The following COMMD1 variants were observed in gnomAD, a reference collection of about 807,000 sequenced individuals.
The protein encoded by COMMD1 is copper metabolism domain containing 1, also known as COMM domain-containing protein 1.
Under a neutral mutation model 17.2 loss-of-function variants are expected in COMMD1, and 10 were observed. That is an observed-to-expected ratio of 0.58 (90% CI 0.36 to 0.99). COMMD1 has a LOEUF of 0.99. Among genes scored for constraint, COMMD1 ranks in the 50% least tolerant of loss-of-function variants. COMMD1 has a pLI of 0.01. For missense variants in COMMD1, 270 were observed against 231.8 expected (o/e 1.17, Z -1.07); for synonymous variants, 97 against 91.6 (o/e 1.06, Z -0.34).
At chr2:61,942,992 G>C (rs1233427941) in intron 1 of COMMD1, among the ~76,000 whole-genome samples, 1 of 152,148 alleles carries the variant, frequency 6.6e-6, no homozygotes, top group Non-Finnish European at 1.5e-5. Context: ...CTAGCCATGA[G>C]ATATTAACAG....
At chr2:61,986,564 CTT>C (rs70946773) in intron 1 of COMMD1, among the ~76,000 whole-genome samples, 6 of 94,554 alleles carry the variant, frequency 6.3e-5, no homozygotes, top group African/African-American at 4.0e-5. Flanking sequence ...AGGCATCATT[CTT>C]TTTTTTTTTT....
At chr2:62,021,042 C>A (rs1194550074) in intron 2 of COMMD1, among the ~76,000 whole-genome samples, 1 of 151,690 alleles carries the variant, frequency 6.6e-6, no homozygotes, top group Non-Finnish European at 1.5e-5. Flanking sequence ...TTAAAATAAT[C>A]TGTAAGTCAC....
intron 1 of COMMD1, among the ~76,000 whole-genome samples, chr2:61,979,414 T>C (rs1458601955): frequency 6.6e-6 from 1 of 152,002 alleles, no homozygotes; most frequent in Non-Finnish European, 1.5e-5. Flanking sequence ...GAGGCAGAGA[T>C]TGCAGTGAGC....
chr2:62,008,040 G>C (rs1474487939), intron 2 of COMMD1, among the ~76,000 whole-genome samples: 1 of 152,088 alleles, frequency 6.6e-6, no homozygotes, highest in Non-Finnish European at 1.5e-5. Flanking sequence ...AAATTAGCCA[G>C]ATGTGATACT....
chr2:61,993,880 T>C (rs999634444), intron 1 of COMMD1, among the ~76,000 whole-genome samples: 3 of 152,224 alleles, frequency 2.0e-5, no homozygotes, highest in Non-Finnish European at 4.4e-5. Flanking sequence ...TGATACAAAT[T>C]ACCTGAGTTG....
chr2:62,073,847 GCC>G (rs1171370256), intron 2 of COMMD1, among the ~76,000 whole-genome samples: 3 of 152,020 alleles, frequency 2.0e-5, no homozygotes, highest in Non-Finnish European at 4.4e-5. Flanking sequence ...CACAGGTGCC[GCC>G]ACCATGCTTG....
chr2:61,898,569 T>C (rs1414154421), intron 1 of COMMD1, among the ~76,000 whole-genome samples: 2 of 152,110 alleles, frequency 1.3e-5, no homozygotes, highest in Admixed American at 6.6e-5. Flanking sequence ...AGAGGGCAGG[T>C]AGAGCTCATT....
chr2:62,026,528 A>C (rs938704463), intron 2 of COMMD1, among the ~76,000 whole-genome samples: 1 of 152,226 alleles, frequency 6.6e-6, no homozygotes, highest in African/African-American at 2.4e-5. Flanking sequence ...ATTACATGTT[A>C]ACATGAGATT....
At chr2:61,901,220 T>TCCA (rs1669649399), upstream of COMMD1, among the ~76,000 whole-genome samples, 1 of 151,926 alleles carries the variant, frequency 6.6e-6, no homozygotes, top group Admixed American at 6.6e-5. Flanking sequence ...ATGCTGGAAT[T>TCCA]ACAGGTGTGA....
At chr2:62,017,533 G>C (rs1252945409) in intron 2 of COMMD1, among the ~76,000 whole-genome samples, 1 of 152,002 alleles carries the variant, frequency 6.6e-6, no homozygotes, top group African/African-American at 2.4e-5. Context: ...AGCAGGGCAT[G>C]GTGGTGCACA....
At chr2:62,093,059 A>G (rs1006162699) in intron 2 of COMMD1, among the ~76,000 whole-genome samples, 4 of 152,226 alleles carry the variant, frequency 2.6e-5, no homozygotes, top group African/African-American at 9.6e-5. Flanking sequence ...AATGAGTCCC[A>G]TGGTCACTGT....
chr2:61,928,477 A>G (rs977074762), intron 1 of COMMD1, among the ~76,000 whole-genome samples: 53 of 152,118 alleles, frequency 3.5e-4, no homozygotes, highest in Non-Finnish European at 7.4e-5. Context: ...GCTATTTAAT[A>G]TCTATTTTCA....
At chr2:62,062,983 C>T (rs576286752) in intron 2 of COMMD1, among the ~76,000 whole-genome samples, 1 of 152,014 alleles carries the variant, frequency 6.6e-6, no homozygotes, top group African/African-American at 2.4e-5. Flanking sequence ...CTTTGGGAGG[C>T]CGAGGCGGGT....
At chr2:61,936,096 GC>G (rs1279976124) in intron 1 of COMMD1, among the ~76,000 whole-genome samples, 1 of 152,156 alleles carries the variant, frequency 6.6e-6, no homozygotes, top group Non-Finnish European at 1.5e-5. Context: ...GAGACACCAT[GC>G]CCGGCCCAGC....
intron 2 of COMMD1, among the ~76,000 whole-genome samples, chr2:62,132,574 A>G (rs1464577471): frequency 6.6e-6 from 1 of 152,144 alleles, no homozygotes; most frequent in African/African-American, 2.4e-5. Context: ...GGTCAGACAC[A>G]GTGGCTCACG....
chr2:61,994,122 G>C (rs1029640961), intron 1 of COMMD1, among the ~76,000 whole-genome samples: 1 of 152,072 alleles, frequency 6.6e-6, no homozygotes, highest in African/African-American at 2.4e-5. Flanking sequence ...GAGTAGGTGG[G>C]ATTACAGGCA....
At chr2:61,971,577 A>G (rs1485574801) in intron 1 of COMMD1, among the ~76,000 whole-genome samples, 1 of 152,132 alleles carries the variant, frequency 6.6e-6, no homozygotes, top group Non-Finnish European at 1.5e-5. Flanking sequence ...GAATTAAAGA[A>G]TAAAAGATTA....
chr2:61,897,661 A>AT (rs1395203129), intron 1 of COMMD1, among the ~76,000 whole-genome samples: 1 of 152,198 alleles, frequency 6.6e-6, no homozygotes, highest in Non-Finnish European at 1.5e-5. Flanking sequence ...AGGCAGGAGA[A>AT]TCGCGTGAAC....
intron 2 of COMMD1, among the ~76,000 whole-genome samples, chr2:62,010,393 T>C (rs148964210): frequency 6.6e-6 from 1 of 152,264 alleles, no homozygotes; most frequent in African/African-American, 2.4e-5. Context: ...TCGATCTTCT[T>C]TTCTTCCTTT....
Sources: allele counts gnomAD v4.1 joint callset (sites outside exome capture counted in the v4.1 genomes callset), GRCh38; gene constraint gnomAD v4.1.1; transcripts MANE v1.5; gene names NCBI Gene and HGNC (gene_info 2026-07-23, HGNC 2026-07-21).